Variants in EFTUD2 observed in about 807,000 individuals in gnomAD.
EFTUD2 encodes the protein 116 kDa U5 small nuclear ribonucleoprotein component.
EFTUD2 carries 9 observed loss-of-function variants against 114.3 expected under a neutral mutation model. The ratio of observed to expected loss-of-function variants is 0.08; its 90% CI spans 0.05 to 0.14. EFTUD2 has a LOEUF of 0.14. Ranked by LOEUF, EFTUD2 falls within the 10% of genes least tolerant of loss-of-function variation. The pLI is 1.00. For missense variants in EFTUD2, 765 were observed against 1,241.2 expected (o/e 0.62, Z 5.76); for synonymous variants, 449 against 462.3 (o/e 0.97, Z 0.37).
chr17:44,853,849 C>T (rs1475321156), intron 23 of EFTUD2: 106 of 1,411,040 alleles, frequency 7.5e-5, no homozygotes, highest in Non-Finnish European at 9.5e-5. Context: ...TGCTTCAGGC[C>T]ATGCTCAGAC....
Position 44,850,274 on chromosome 17 carries a change from C to A in EFTUD2, c.*1000G>T. On this transcript the variant is annotated 3_prime_UTR_variant, in exon 28 of 28. Coordinates refer to ENST00000426333, the MANE Select transcript of EFTUD2 (RefSeq NM_004247.4). The stretch of plus-strand genomic sequence containing the variant: ...GGTGAACCCCTAGGACGCCTGAGAG[C>A]CAGAGGACGGGTGAAGGGTTTGATG... The A allele has an allele frequency of 1.4e-6, 2 of 1,430,696 alleles. No homozygotes were observed. Among genetic ancestry groups the A allele is most frequent in the South Asian group, 1.2e-5 (1 of 82,738 alleles). 88.6% of individuals were successfully genotyped at this position (1,430,696 alleles called of 1,614,324 possible).
At position 44,850,722 on chromosome 17, in the gene EFTUD2, C is replaced by A; in HGVS notation, c.*552G>T. 3.8e-6 allele frequency: 1 copy of A among 264,480 alleles called. No individual in the cohort carries two copies. Among genetic ancestry groups the A allele is most frequent in the Non-Finnish European group, 7.4e-6 (1 of 135,568 alleles). The allele number at this position is 264,480 out of a possible 1,614,324, so 16.4% of individuals were successfully genotyped here. A position where few individuals can be genotyped will look rare whatever the true frequency, so the allele number is the denominator to read the frequency against. ...GCAGCATGGAGTGGGAGCAAGGGGG[C>A]AATAATGGGGCCTTGGCGCTCATGG... is the stretch of plus-strand genomic sequence containing the variant. On this transcript the variant is annotated 3_prime_UTR_variant, in exon 28 of 28. Transcript: ENST00000426333.
intron 17 of EFTUD2, 137 bp downstream of exon 17, chr17:44,860,295 C>A: frequency 1.3e-6 from 1 of 758,712 alleles, no homozygotes; most frequent in Non-Finnish European, 2.2e-6. Context: ...AGGGAGAATC[C>A]AGCAGGGTCA....
chr17:44,879,624 A>G lies in EFTUD2; in HGVS notation c.634T>C (p.Ser212Pro), dbSNP rs1417067254. Residue 212 changes from serine (S) to proline (P), a missense_variant, in exon 9 of 28, where the codon TCT becomes CCT. Physicochemically the swap from Ser to Pro is moderately conservative, Grantham distance 74 (BLOSUM62 -1). This residue lies in a region of EFTUD2 where 251 missense variants were observed against 357.7 expected (regional missense o/e 0.70). Transcript: ENST00000426333. Reference protein sequence around the residue: ...IMDTPGHVNFSDEVTAGLRIS... With the variant: ...IMDTPGHVNFPDEVTAGLRIS... ...CGCAAGCCAGCTGTGACCTCATCAG[A>G]GAAATTCACATGTCCTGAAAAGCAA... 4 of 1,613,952 alleles carry G rather than the reference A, an allele frequency of 2.5e-6. No homozygotes were observed. The highest frequency in any genetic ancestry group is 3.3e-5 in the Admixed American group (2 of 60,014).
At chr17:44,870,820 C>T (rs2050836840) in intron 11 of EFTUD2, among the ~76,000 whole-genome samples, 1 of 152,010 alleles carries the variant, frequency 6.6e-6, no homozygotes. Flanking sequence ...GAGTTCGAGA[C>T]CAGCCTGACC....
At chr17:44,857,181 T>C in intron 19 of EFTUD2, 24 bp from the exon 20 acceptor site, 1 of 1,607,154 alleles carries the variant, frequency 6.2e-7, no homozygotes, top group East Asian at 2.2e-5. Context: ...AATAAATTAC[T>C]GAAGCGAGGT....
intron 11 of EFTUD2, among the ~76,000 whole-genome samples, chr17:44,869,703 G>C (rs12150008): frequency 0.051 from 7,754 of 152,200 alleles, 265 homozygotes; most frequent in Non-Finnish European, 0.079. Context: ...TGCAAGTCTG[G>C]AATTCTTGGC....
chr17:44,866,987 G>T (rs2050757654), intron 13 of EFTUD2, among the ~76,000 whole-genome samples: 1 of 152,158 alleles, frequency 6.6e-6, no homozygotes, highest in South Asian at 2.1e-4. Flanking sequence ...TGCACCTGCA[G>T]TCCCAGCTTC....
At chr17:44,883,071 C>T (rs1567750182) in intron 6 of EFTUD2, 22 bp downstream of exon 6, 1 of 1,613,370 alleles carries the variant, frequency 6.2e-7, no homozygotes, top group Non-Finnish European at 8.5e-7. Context: ...CATCCTAAAC[C>T]CTCAACAGAA....
intron 1 of EFTUD2, among the ~76,000 whole-genome samples, chr17:44,896,440 G>A (rs2051386497): frequency 6.6e-6 from 1 of 152,210 alleles, no homozygotes; most frequent in South Asian, 2.1e-4. Flanking sequence ...GAGGTCAGGA[G>A]ATAGAGACCA....
intron 9 of EFTUD2, among the ~76,000 whole-genome samples, chr17:44,877,443 G>A (rs2050983385): frequency 6.6e-6 from 1 of 152,156 alleles, no homozygotes; most frequent in Admixed American, 6.5e-5. Context: ...TGAATAAAAT[G>A]CAAACCCAAA....
rs1164335962 is a variant in EFTUD2 at position 44,881,741 on chromosome 17, T to C, written c.493-19A>G. The C allele has an allele frequency of 1.9e-6, 3 of 1,613,874 alleles. No homozygotes were observed. The South Asian group carries it at 3.3e-5, about 18-fold the overall frequency. On this transcript the variant is annotated intron_variant, in intron 6 of 27. Coordinates refer to ENST00000426333, the MANE Select transcript of EFTUD2 (RefSeq NM_004247.4). Reference sequence around the variant, plus strand: ...AGCACAGCTGAAAAAAAATTAACTGTTGTTACCACCTGAGTTGAGACTGCT... The same window carrying C: ...AGCACAGCTGAAAAAAAATTAACTGCTGTTACCACCTGAGTTGAGACTGCT...
rs927823442 is a variant in EFTUD2 at position 44,850,856 on chromosome 17, A to C, written c.*418T>G. The C allele has an allele frequency of 4.3e-5, 10 of 235,112 alleles. No individual in the cohort carries two copies. The highest frequency in any genetic ancestry group is 3.7e-4 in the East Asian group (4 of 10,940). The allele number at this position is 235,112 out of a possible 1,614,324, so 14.6% of individuals were successfully genotyped here. ...TCTTGGGAGATGACATATATTCAGAATGTAAGCACCAGACGGGGCAGGGGA... is the reference window on the plus strand; with the variant it reads ...TCTTGGGAGATGACATATATTCAGACTGTAAGCACCAGACGGGGCAGGGGA... On this transcript the variant is annotated 3_prime_UTR_variant, in exon 28 of 28. Coordinates refer to ENST00000426333, the MANE Select transcript of EFTUD2 (RefSeq NM_004247.4).
At chr17:44,871,593 C>G (rs2050855976) in intron 11 of EFTUD2, among the ~76,000 whole-genome samples, 1 of 152,144 alleles carries the variant, frequency 6.6e-6, no homozygotes. Context: ...CCTGCCTCAG[C>G]CTCCCAGAGT....
chr17:44,873,530 A>G (rs1232197445), intron 10 of EFTUD2, among the ~76,000 whole-genome samples: 5 of 151,268 alleles, frequency 3.3e-5, no homozygotes, highest in African/African-American at 4.9e-5. Flanking sequence ...TAATTTTTGT[A>G]GAGATGAGAT....
Position 44,854,505 on chromosome 17 carries a change from C to T in EFTUD2, c.2259+51G>A, listed in dbSNP as rs775870623. ...GGAAAAGAACACTTTGTAGTTTCTT[C>T]CACTCCAGAGGTAAGAGACCGCCAC... On this transcript the variant is annotated intron_variant, in intron 22 of 27. Coordinates refer to ENST00000426333, the MANE Select transcript of EFTUD2 (RefSeq NM_004247.4). This position sits in a 1 kb window ranked among gnomAD's most constrained non-coding sequence, Gnocchi z 4.3. 2.8e-5 allele frequency: 45 copies of T among 1,591,312 alleles called. No homozygotes were observed. The Middle Eastern group carries it at 1.9e-3, about 66-fold the overall frequency.
chr17:44,855,359 G>A (rs374417745), intron 20 of EFTUD2, among the ~76,000 whole-genome samples: 309 of 152,194 alleles, frequency 2.0e-3, no homozygotes, highest in African/African-American at 6.5e-3. Flanking sequence ...TCAGAAGATC[G>A]AGCCTACCCT....
rs1367151046 is a variant in EFTUD2 at position 44,854,129 on chromosome 17, C to A, written c.2347+140G>T. On this transcript the variant is annotated intron_variant, in intron 23 of 27. Transcript: ENST00000426333. This position sits in a 1 kb window ranked among gnomAD's most constrained non-coding sequence, Gnocchi z 4.3. ...GGATAAGGAAGGAAAAGGGAAGAAG[C>A]TGGCCCAGGACTTGGGATGGTCCTG... 5 of 1,416,034 alleles carry A rather than the reference C, an allele frequency of 3.5e-6. No homozygotes were observed. Among genetic ancestry groups the A allele is most frequent in the Non-Finnish European group, 4.7e-6 (5 of 1,065,814 alleles). The allele number at this position is 1,416,034 out of a possible 1,614,324, so 87.7% of individuals were successfully genotyped here.
At position 44,850,639 on chromosome 17, in the gene EFTUD2, T is replaced by G; in HGVS notation, c.*635A>C. On this transcript the variant is annotated 3_prime_UTR_variant, in exon 28 of 28. Transcript: ENST00000426333. ...GCAGTTTCCTGAGGAGGTGGTGGGG[T>G]AGACTTCTGATCGCAGGAACCCAAC... 2.3e-6 allele frequency: 1 copy of G among 429,762 alleles called. No individual in the cohort carries two copies. Among genetic ancestry groups the G allele is most frequent in the Non-Finnish European group, 4.3e-6 (1 of 233,126 alleles). 26.6% of individuals were successfully genotyped at this position (429,762 alleles called of 1,614,324 possible). A position where few individuals can be genotyped will look rare whatever the true frequency, so the allele number is the denominator to read the frequency against.
Sources: gnomAD v4.1 joint callset for allele counts (sites outside exome capture counted in the v4.1 genomes callset) on GRCh38, gnomAD v4.1.1 for gene constraint, gnomAD v4.1.1 regional missense constraint, Gnocchi (gnomAD v3.1) non-coding constraint, MANE v1.5 for transcripts, NCBI Gene and HGNC (gene_info 2026-07-23, HGNC 2026-07-21) for gene names.